The following CMAS variants were observed in gnomAD, a reference collection of about 807,000 sequenced individuals.
CMAS encodes the protein N-acylneuraminate cytidylyltransferase.
CMAS carries 21 observed loss-of-function variants against 53.4 expected under a neutral mutation model. That is an observed-to-expected ratio of 0.39 (90% CI 0.28 to 0.57). CMAS has a LOEUF of 0.57. Among genes scored for constraint, CMAS ranks in the 20% least tolerant of loss-of-function variants. CMAS has a pLI of 0.56. For synonymous variants in CMAS, 189 were observed against 195.2 expected (o/e 0.97, Z 0.27); for missense variants, 384 against 534.9 (o/e 0.72, Z 2.78).
rs367681396 is a variant in CMAS, at chr12:22,062,448, T to G, written c.1114+14T>G. 2.9e-5 allele frequency: 46 copies of G among 1,609,828 alleles called. 2 individuals are homozygous for G. Among genetic ancestry groups the G allele is most frequent in the Admixed American group, 1.9e-4 (11 of 59,160 alleles). On this transcript the variant is annotated intron_variant, in intron 7 of 7. Coordinates refer to ENST00000229329, the MANE Select transcript of CMAS (RefSeq NM_018686.6). The stretch of plus-strand genomic sequence containing the variant: ...TGGCATATCTTGGTTGGTATCTTTT[T>G]ATTCACCCATAGTAAAATGGACCAG...
intron 1 of CMAS, 94 bp downstream of exon 1, chr12:22,046,657 T>C: frequency 7.5e-7 from 1 of 1,324,904 alleles, no homozygotes; most frequent in South Asian, 1.6e-5. Flanking sequence ...GGGCCACCGC[T>C]CTTGGAAGGG....
chr12:22,050,186 A>G (rs1057088037), intron 1 of CMAS, among the ~76,000 whole-genome samples: 2 of 152,190 alleles, frequency 1.3e-5, no homozygotes, highest in African/African-American at 2.4e-5. Flanking sequence ...TGCATGCCCT[A>G]TGCAGGGAGA....
intron 1 of CMAS, among the ~76,000 whole-genome samples, chr12:22,047,851 T>C (rs1027349714): frequency 2.0e-5 from 3 of 152,188 alleles, no homozygotes; most frequent in African/African-American, 7.2e-5. Context: ...TTAGAAAGGG[T>C]ACAAACTAAA....
intron 7 of CMAS, among the ~76,000 whole-genome samples, chr12:22,064,783 A>C (rs1489467000): frequency 3.3e-5 from 5 of 152,162 alleles, no homozygotes; most frequent in Non-Finnish European, 7.3e-5. Flanking sequence ...GGGTTCTCGC[A>C]TATGTTTGAA....
At position 22,060,251 on chromosome 12, in the gene CMAS, A is replaced by G. The variant is rs865999224; in HGVS notation, c.694-581A>G. On this transcript the variant is annotated intron_variant, in intron 4 of 7. Transcript: ENST00000229329. Reference sequence around the variant, plus strand: ...TGCTTTTTTCAATATTAAAATAGAAATTTTCTTAAATAGGGAACTTGAACT... The same window carrying G: ...TGCTTTTTTCAATATTAAAATAGAAGTTTTCTTAAATAGGGAACTTGAACT... Among the ~76,000 whole-genome samples, 37 of 150,926 alleles carry G rather than the reference A, an allele frequency of 2.5e-4. 1 individual carries two copies. The highest frequency in any genetic ancestry group is 8.1e-4 in the African/African-American group (33 of 40,952).
At chr12:22,057,393 G>A (rs942818102) in intron 3 of CMAS, among the ~76,000 whole-genome samples, 3 of 151,620 alleles carry the variant, frequency 2.0e-5, no homozygotes. Context: ...TTTATTATCA[G>A]GTATACTCAT....
rs1270056396 is a variant in CMAS, at chr12:22,046,537, G to C, written c.234G>C (p.Ala78=). 3 of 1,598,760 alleles carry C rather than the reference G, an allele frequency of 1.9e-6. No individual in the cohort carries two copies. Among genetic ancestry groups the C allele is most frequent in the Admixed American group, 3.4e-5 (2 of 57,994 alleles). ...CGCTCATTGGCTGGGTCCTGCGTGCGGCCCTGGATTCAGGGGCCTTCCAGA... is the reference window on the plus strand; with the variant it reads ...CGCTCATTGGCTGGGTCCTGCGTGCCGCCCTGGATTCAGGGGCCTTCCAGA... ...GVPLIGWVLR[A]ALDSGAFQSV... Residue 78 remains alanine, a synonymous_variant, in exon 1 of 8, where the codon GCG becomes GCC. Coordinates refer to ENST00000229329, the MANE Select transcript of CMAS (RefSeq NM_018686.6).
intron 1 of CMAS, among the ~76,000 whole-genome samples, chr12:22,048,684 G>A (rs1462371477): frequency 6.6e-6 from 1 of 152,124 alleles, no homozygotes; most frequent in Admixed American, 6.5e-5. Context: ...CAAGGACCTG[G>A]GAGCCCCAGA....
chr12:22,060,938 T>C lies in CMAS; in HGVS notation c.788+12T>C, dbSNP rs780820398. 24 of 1,402,428 alleles carry C rather than the reference T, an allele frequency of 1.7e-5. No individual in the cohort carries two copies. The South Asian group carries it at 2.8e-4, about 16-fold the overall frequency. 86.9% of individuals were successfully genotyped at this position (1,402,428 alleles called of 1,614,324 possible). A position where few individuals can be genotyped will look rare whatever the true frequency, so the allele number is the denominator to read the frequency against. On this transcript the variant is annotated intron_variant, in intron 5 of 7. Coordinates refer to ENST00000229329, the MANE Select transcript of CMAS (RefSeq NM_018686.6). ...CAAAGAGTATTAAGGTAAAAACAAA[T>C]AAACCTTTATAACCTTTGTACTAAA... is the stretch of plus-strand genomic sequence containing the variant.
chr12:22,047,438 C>T (rs986339280), intron 1 of CMAS, among the ~76,000 whole-genome samples: 3 of 151,944 alleles, frequency 2.0e-5, no homozygotes, highest in African/African-American at 7.3e-5. Flanking sequence ...TTTGATGTTT[C>T]GATTTTTAAA....
chr12:22,057,293 G>C (rs1950275038), intron 3 of CMAS, among the ~76,000 whole-genome samples: 1 of 150,670 alleles, frequency 6.6e-6, no homozygotes, highest in Non-Finnish European at 1.5e-5. Context: ...GGAAAACTCA[G>C]TGGAAAGGCA....
chr12:22,057,912 C>G (rs1032891865), intron 3 of CMAS, among the ~76,000 whole-genome samples: 4 of 149,114 alleles, frequency 2.7e-5, no homozygotes, highest in African/African-American at 7.3e-5. Flanking sequence ...ACTGCAATCT[C>G]CCCCCCCCGG....
At position 22,046,264 on chromosome 12, in the gene CMAS, C is replaced by G; in HGVS notation, c.-40C>G. 7.1e-7 allele frequency: 1 copy of G among 1,413,000 alleles called. No homozygotes were observed. Among genetic ancestry groups the G allele is most frequent in the Non-Finnish European group, 9.3e-7 (1 of 1,080,678 alleles). The allele number at this position is 1,413,000 out of a possible 1,614,324, so 87.5% of individuals were successfully genotyped here. A position where few individuals can be genotyped will look rare whatever the true frequency, so the allele number is the denominator to read the frequency against. On this transcript the variant is annotated 5_prime_UTR_variant, in exon 1 of 8. Transcript: ENST00000229329. ...GAGCTGAGGTGGTGAGGGACTAGCT[C>G]CCGGATGTGGAGAAGCTGGGGAGAA...
At chr12:22,053,923 GT>G (rs113432514) in intron 1 of CMAS, among the ~76,000 whole-genome samples, 8 of 148,438 alleles carry the variant, frequency 5.4e-5, no homozygotes, top group African/African-American at 2.0e-4. Context: ...GGGTTTTGTT[GT>G]TGTTTTTTGT....
Position 22,055,575 on chromosome 12 carries a change from G to T in CMAS, c.524G>T (p.Arg175Leu). 1 of 1,609,884 alleles carries T rather than the reference G, an allele frequency of 6.2e-7. No individual in the cohort carries two copies. The highest frequency in any genetic ancestry group is 1.1e-5 in the South Asian group (1 of 89,570). Residue 175 changes from arginine (R) to leucine (L), a missense_variant, in exon 3 of 8, where the codon CGC (arginine) becomes CTC (leucine). Transcript: ENST00000229329. ...GYDSVFSVVR[R>L]HQFRWSEIQK... ...GATTCTGTTTTCTCTGTTGTGAGAC[G>T]CCATCAGTTTCGATGGAGTGAAATT...
chr12:22,054,494 C>G (rs1348364501), intron 1 of CMAS, among the ~76,000 whole-genome samples: 1 of 151,944 alleles, frequency 6.6e-6, no homozygotes, highest in Non-Finnish European at 1.5e-5. Context: ...ATCTATATAC[C>G]CATTGTTTGT....
At chr12:22,054,370 T>G (rs1300737488) in intron 1 of CMAS, among the ~76,000 whole-genome samples, 2 of 152,236 alleles carry the variant, frequency 1.3e-5, no homozygotes, top group Non-Finnish European at 2.9e-5. Context: ...AAAGGCTAAA[T>G]AGGCAACTGT....
chr12:22,046,603 G>A lies in CMAS; in HGVS notation c.260+40G>A, dbSNP rs532680301. ...GAGTGGGCGGCGCGGCCTGGGCGGG[G>A]GTCGGGAGAGGGAGTCGGGCTGCTG... is the stretch of plus-strand genomic sequence containing the variant. On this transcript the variant is annotated intron_variant, in intron 1 of 7. Coordinates refer to ENST00000229329, the MANE Select transcript of CMAS (RefSeq NM_018686.6). 4 of 1,482,828 alleles carry A rather than the reference G, an allele frequency of 2.7e-6. No individual in the cohort carries two copies. The South Asian group carries it at 5.5e-5, about 20-fold the overall frequency. The allele number at this position is 1,482,828 out of a possible 1,614,324, so 91.9% of individuals were successfully genotyped here.
chr12:22,061,235 A>G (rs774301284), intron 5 of CMAS, 46 bp from the exon 6 acceptor site: 1 of 1,310,974 alleles, frequency 7.6e-7, no homozygotes, highest in African/African-American at 1.5e-5. Flanking sequence ...AGAGGGAGTG[A>G]TTAGTACTGC....
Sources: gnomAD v4.1 joint callset for allele counts (sites outside exome capture counted in the v4.1 genomes callset) on GRCh38, gnomAD v4.1.1 for gene constraint, MANE v1.5 for transcripts, NCBI Gene and HGNC (gene_info 2026-07-23, HGNC 2026-07-21) for gene names.